TAFA5: variants seen among roughly 807,000 people sequenced by gnomAD.
The protein encoded by TAFA5 is chemokine-like protein TAFA-5.
TAFA5 carries 6 observed loss-of-function variants against 15.3 expected under a neutral mutation model. The observed-to-expected ratio is 0.39, with a 90% confidence interval of 0.21 to 0.77. The LOEUF (loss-of-function observed/expected upper bound fraction) is 0.77. Ranked by LOEUF, TAFA5 falls within the 30% of genes least tolerant of loss-of-function variation. TAFA5 has a pLI of 0.41. For missense variants in TAFA5, 161 were observed against 193.1 expected, an observed-to-expected ratio of 0.83 and a Z score of 0.98; for synonymous variants, 103 against 80.7, an observed-to-expected ratio of 1.28 and a Z score of -1.48.
intron 2 of TAFA5, among the ~76,000 whole-genome samples, chr22:48,700,501 AG>A (rs1928871470): frequency 6.6e-6 from 1 of 152,176 alleles, no homozygotes; most frequent in Non-Finnish European, 1.5e-5. Flanking sequence ...CAAAGCCAGT[AG>A]AGTCTTAAGG....
intron 2 of TAFA5, among the ~76,000 whole-genome samples, chr22:48,676,321 G>A (rs930444354): frequency 6.6e-6 from 1 of 152,260 alleles, no homozygotes; most frequent in African/African-American, 2.4e-5. Context: ...TCTGGGCCAG[G>A]TGAGCCTTTG....
At chr22:48,651,997 G>A (rs1361411000) in intron 2 of TAFA5, among the ~76,000 whole-genome samples, 3 of 152,178 alleles carry the variant, frequency 2.0e-5, no homozygotes, top group South Asian at 2.1e-4. Context: ...GCCTTTCCCC[G>A]TTGTTGACCG....
intron 1 of TAFA5, among the ~76,000 whole-genome samples, chr22:48,603,798 C>A (rs924441219): frequency 1.3e-5 from 2 of 152,134 alleles, no homozygotes; most frequent in African/African-American, 4.8e-5. Flanking sequence ...TCTCTCTGGC[C>A]AGGCAGACTT....
intron 1 of TAFA5, among the ~76,000 whole-genome samples, chr22:48,509,506 CATT>C (rs937506731): frequency 3.9e-5 from 6 of 152,080 alleles, no homozygotes; most frequent in African/African-American, 1.4e-4. Flanking sequence ...TATTGATAAT[CATT>C]ATTCTAACTG....
chr22:48,653,405 T>C (rs60937318), intron 2 of TAFA5, among the ~76,000 whole-genome samples: 24,424 of 152,206 alleles, frequency 0.16, 3,208 homozygotes, highest in East Asian at 0.37. Context: ...GCCCAGCAGG[T>C]GGGCAGGGCA....
intron 2 of TAFA5, among the ~76,000 whole-genome samples, chr22:48,690,630 T>C (rs5771960): frequency 0.74 from 112,367 of 152,126 alleles, 41,920 homozygotes; most frequent in African/African-American, 0.83. Context: ...TTAAACCTCA[T>C]CTCTTCTAGG....
At chr22:48,614,156 C>T (rs1029789589) in intron 1 of TAFA5, among the ~76,000 whole-genome samples, 2 of 152,194 alleles carry the variant, frequency 1.3e-5, no homozygotes, top group Admixed American at 6.5e-5. Context: ...CTGTCTGGGG[C>T]CCCCAGGCGC....
At chr22:48,576,686 C>G (rs1601589743) in intron 1 of TAFA5, 1 of 1,172,890 alleles carries the variant, frequency 8.5e-7, no homozygotes, top group Non-Finnish European at 1.1e-6. Flanking sequence ...GGCTGAGGCT[C>G]GTGGAGCGCC....
intron 3 of TAFA5, among the ~76,000 whole-genome samples, chr22:48,722,555 C>T (rs1163477400): frequency 3.5e-5 from 5 of 143,314 alleles, no homozygotes; most frequent in South Asian, 2.5e-4. Context: ...TGGGGCCTGT[C>T]GGGGTGGGGG....
At chr22:48,625,844 A>T (rs1034823711) in intron 1 of TAFA5, among the ~76,000 whole-genome samples, 1 of 152,184 alleles carries the variant, frequency 6.6e-6, no homozygotes, top group South Asian at 2.1e-4. Context: ...GGGTCCAACT[A>T]TTCATTCCTC....
chr22:48,662,932 G>T (rs1179364056), intron 2 of TAFA5, among the ~76,000 whole-genome samples: 1 of 152,212 alleles, frequency 6.6e-6, no homozygotes, highest in Non-Finnish European at 1.5e-5. Flanking sequence ...GAGCCCGAGA[G>T]GTGAATAAAG....
intron 1 of TAFA5, among the ~76,000 whole-genome samples, chr22:48,524,941 G>T (rs893252642): frequency 2.6e-5 from 4 of 152,212 alleles, no homozygotes; most frequent in South Asian, 2.1e-4. Flanking sequence ...GTTGAGCCAG[G>T]TGTATGTGCC....
chr22:48,579,211 T>C (rs1375777194), intron 1 of TAFA5, among the ~76,000 whole-genome samples: 2 of 152,130 alleles, frequency 1.3e-5, no homozygotes, highest in Non-Finnish European at 2.9e-5. Context: ...TTGCGGTCCA[T>C]AATTGCAGCC....
chr22:48,678,610 G>A (rs572293878), intron 2 of TAFA5, among the ~76,000 whole-genome samples: 1 of 152,150 alleles, frequency 6.6e-6, no homozygotes, highest in Non-Finnish European at 1.5e-5. Context: ...GGCCAGGGCT[G>A]CAGGTGGTGC....
Position 48,638,877 on chromosome 22 carries a change from C to T in TAFA5, c.113-7720C>T, listed in dbSNP as rs544484367. ...ACCCCGACACTAAGCCCTGGGACAC[C>T]GCACACAGGCGGGACCCCCCCCCAT... On this transcript the variant is annotated intron_variant, in intron 1 of 3. Coordinates refer to ENST00000402357, the MANE Select transcript of TAFA5 (RefSeq NM_001082967.3). Among the ~76,000 whole-genome samples the T allele has an allele frequency of 2.8e-3, 385 of 136,148 alleles. 9 individuals carry two copies. Among genetic ancestry groups the T allele is most frequent in the African/African-American group, 0.011 (357 of 32,200 alleles). The allele number at this position is 136,148 out of a possible 152,430, so 89.3% of individuals were successfully genotyped here.
intron 1 of TAFA5, among the ~76,000 whole-genome samples, chr22:48,644,914 G>T (rs1055256716): frequency 3.9e-5 from 6 of 152,196 alleles, no homozygotes; most frequent in African/African-American, 1.4e-4. Context: ...CAGGCAGCCC[G>T]CAGACTCTCT....
intron 3 of TAFA5, among the ~76,000 whole-genome samples, chr22:48,747,931 T>C (rs1017260123): frequency 7.3e-5 from 11 of 151,496 alleles, no homozygotes; most frequent in Admixed American, 2.0e-4. Context: ...AGCGTGTTCC[T>C]TCATACAGCA....
intron 1 of TAFA5, among the ~76,000 whole-genome samples, chr22:48,519,525 G>A (rs992282697): frequency 6.6e-6 from 1 of 152,170 alleles, no homozygotes; most frequent in African/African-American, 2.4e-5. Context: ...GTGAAGGGGG[G>A]GATGCCCTCC....
At chr22:48,544,743 C>T (rs768059849) in intron 1 of TAFA5, 4 of 471,268 alleles carry the variant, frequency 8.5e-6, no homozygotes, top group South Asian at 1.5e-5. Context: ...CTCCGGGCTG[C>T]GGGGAGGCTG....
Sources: gnomAD v4.1 joint callset for allele counts (sites outside exome capture counted in the v4.1 genomes callset) on GRCh38, gnomAD v4.1.1 for gene constraint, MANE v1.5 for transcripts, NCBI Gene and HGNC (gene_info 2026-07-23, HGNC 2026-07-21) for gene names.